The following GTF2A1L variants were observed in gnomAD, a reference collection of about 807,000 sequenced individuals.
The protein encoded by GTF2A1L is TFIIA-alpha and beta-like factor.
Under a neutral mutation model 49.7 loss-of-function variants are expected in GTF2A1L, and 48 were observed. The observed-to-expected ratio is 0.97, with a 90% CI of 0.77 to 1.23. The LOEUF (loss-of-function observed/expected upper bound fraction) is 1.23, where lower values mean the gene tolerates loss of function less well. GTF2A1L is among the 50% of genes most tolerant of loss of function. The probability of loss-of-function intolerance (pLI) is 0.00; values close to 1 mark genes in which losing one functional copy is unlikely to be tolerated. For synonymous variants in GTF2A1L, 246 were observed against 193.5 expected (o/e 1.27, Z -2.25); for missense variants, 736 against 564.8 (o/e 1.30, Z -3.07).
At chr2:48,675,870 G>A (rs1524153) in intron 8 of GTF2A1L, among the ~76,000 whole-genome samples, 148,024 of 151,570 alleles carry the variant, frequency 0.98, 72,303 homozygotes, top group African/African-American at 0.99. Flanking sequence ...CTCTTTATAT[G>A]TATCTATATA....
Position 48,669,713 on chromosome 2 carries a change from T to C in GTF2A1L, c.979-9T>C. 6.3e-7 allele frequency: 1 copy of C among 1,596,612 alleles called. No individual in the cohort carries two copies. The highest frequency in any genetic ancestry group is 8.5e-7 in the Non-Finnish European group (1 of 1,170,418). On this transcript the variant is annotated splice_polypyrimidine_tract_variant and intron_variant, in intron 6 of 8. Transcript: ENST00000403751. ...ACTTGAACTTTATTGTATTTCTTTC[T>C]CTTTTTAGGATTCTAATTCTCAGGT...
intron 8 of GTF2A1L, among the ~76,000 whole-genome samples, chr2:48,674,110 A>G (rs1185555173): frequency 6.6e-6 from 1 of 152,130 alleles, no homozygotes; most frequent in African/African-American, 2.4e-5. Flanking sequence ...ATATGTTTTC[A>G]TCTGTCTTGG....
chr2:48,662,374 A>G (rs1370804234), intron 6 of GTF2A1L, among the ~76,000 whole-genome samples: 2 of 152,204 alleles, frequency 1.3e-5, no homozygotes, highest in South Asian at 2.1e-4. Flanking sequence ...TGTAGCTTCA[A>G]GTTACTATCT....
intron 6 of GTF2A1L, among the ~76,000 whole-genome samples, chr2:48,650,131 C>T (rs6745353): frequency 0.048 from 7,236 of 152,208 alleles, 567 homozygotes; most frequent in African/African-American, 0.17. Flanking sequence ...TTCAAAGATA[C>T]ATTGATATGT....
At chr2:48,643,693 A>ATTTTTTTT (rs71399070) in intron 4 of GTF2A1L, among the ~76,000 whole-genome samples, 4 of 120,786 alleles carry the variant, frequency 3.3e-5, no homozygotes, top group Admixed American at 9.9e-5. Context: ...TATTAATACA[A>ATTTTTTTT]TTTTTTTTTT....
chr2:48,653,966 T>C (rs1248239034), intron 6 of GTF2A1L, among the ~76,000 whole-genome samples: 1 of 148,962 alleles, frequency 6.7e-6, no homozygotes, highest in Non-Finnish European at 1.5e-5. Flanking sequence ...AAAACATTTA[T>C]ATGTAGATTT....
chr2:48,669,035 A>G (rs956554302), intron 6 of GTF2A1L, among the ~76,000 whole-genome samples: 10 of 152,100 alleles, frequency 6.6e-5, no homozygotes, highest in Non-Finnish European at 1.5e-4. Flanking sequence ...TCTATAACAT[A>G]AAAATTTGCC....
chr2:48,672,883 C>A (rs757446816), intron 8 of GTF2A1L, among the ~76,000 whole-genome samples: 2 of 152,046 alleles, frequency 1.3e-5, no homozygotes, highest in East Asian at 3.8e-4. Context: ...ATTTTAGAAC[C>A]ATTTTATCAC....
chr2:48,672,918 T>G (rs1256794509), intron 8 of GTF2A1L, among the ~76,000 whole-genome samples: 1 of 152,222 alleles, frequency 6.6e-6, no homozygotes, highest in African/African-American at 2.4e-5. Flanking sequence ...CCATACTTTT[T>G]GTTTCTTAGT....
intron 3 of GTF2A1L, among the ~76,000 whole-genome samples, chr2:48,635,545 G>T (rs1676840271): frequency 6.6e-6 from 1 of 152,074 alleles, no homozygotes; most frequent in South Asian, 2.1e-4. Flanking sequence ...AGCTGGCCCT[G>T]GCTGCAAGTC....
chr2:48,618,081 A>T, intron 1 of GTF2A1L, 186 bp downstream of exon 1: 1 of 604,184 alleles, frequency 1.7e-6, no homozygotes, highest in Non-Finnish European at 2.8e-6. Context: ...CCAGTAGTTC[A>T]GCAGGAAGTT....
chr2:48,660,654 T>C (rs1400510165), intron 6 of GTF2A1L, among the ~76,000 whole-genome samples: 1 of 152,004 alleles, frequency 6.6e-6, no homozygotes, highest in Non-Finnish European at 1.5e-5. Flanking sequence ...TTATTATTAT[T>C]ATTATTGAAA....
chr2:48,630,505 A>G (rs534461208), intron 3 of GTF2A1L, among the ~76,000 whole-genome samples: 1 of 144,486 alleles, frequency 6.9e-6, no homozygotes, highest in African/African-American at 2.5e-5. Context: ...TATTAGTTCT[A>G]AGAGTCTTTT....
At chr2:48,649,721 C>G (rs1006113161) in intron 6 of GTF2A1L, among the ~76,000 whole-genome samples, 3 of 152,182 alleles carry the variant, frequency 2.0e-5, no homozygotes, top group African/African-American at 4.8e-5. Flanking sequence ...CTGGTTGTGT[C>G]TTTTCTCCAC....
intron 5 of GTF2A1L, among the ~76,000 whole-genome samples, chr2:48,646,170 G>C (rs974863301): frequency 6.6e-6 from 1 of 151,928 alleles, no homozygotes; most frequent in Non-Finnish European, 1.5e-5. Flanking sequence ...TTAAATATTG[G>C]TGTCCTTTAT....
intron 3 of GTF2A1L, among the ~76,000 whole-genome samples, chr2:48,642,175 A>T (rs1677232678): frequency 6.6e-6 from 1 of 152,198 alleles, no homozygotes. Context: ...GATTACAATG[A>T]GATATTTTCT....
rs1283763593 is a variant in GTF2A1L at position 48,679,484 on chromosome 2, G to T, written c.*42G>T. The T allele has an allele frequency of 1.2e-6, 2 of 1,606,666 alleles. No individual in the cohort carries two copies. The highest frequency in any genetic ancestry group is 1.7e-5 in the Admixed American group (1 of 58,024). ...ACATCTATTTTGTGAACATCAGTTG[G>T]ATTATATTGCATATTGTGAATTCAT... On this transcript the variant is annotated 3_prime_UTR_variant, in exon 9 of 9. Coordinates refer to ENST00000403751, the MANE Select transcript of GTF2A1L (RefSeq NM_006872.5).
chr2:48,660,885 C>T (rs1052361846), intron 6 of GTF2A1L, among the ~76,000 whole-genome samples: 12 of 152,130 alleles, frequency 7.9e-5, no homozygotes, highest in African/African-American at 2.9e-4. Context: ...AAGTGATCCA[C>T]CTGCCTCGGC....
In GTF2A1L at chr2:48,670,004, A is replaced by G. The variant is rs747875988; in HGVS notation, c.1239+22A>G. On this transcript the variant is annotated intron_variant, in intron 7 of 8. Coordinates refer to ENST00000403751, the MANE Select transcript of GTF2A1L (RefSeq NM_006872.5). The stretch of plus-strand genomic sequence containing the variant: ...AGAGGTGAGGATGACTTTTGAGCTG[A>G]GACTTCCTTTATTAATTTATAACAT... 4 of 1,581,928 alleles carry G rather than the reference A, an allele frequency of 2.5e-6. No individual in the cohort carries two copies. In the East Asian group the frequency reaches 9.0e-5, roughly 36 times the overall value.
Sources: gnomAD v4.1 joint callset for allele counts (sites outside exome capture counted in the v4.1 genomes callset) on GRCh38, gnomAD v4.1.1 for gene constraint, MANE v1.5 for transcripts, NCBI Gene and HGNC (gene_info 2026-07-23, HGNC 2026-07-21) for gene names.